SAMD8: variants seen among roughly 807,000 people sequenced by gnomAD.
The protein encoded by SAMD8 is sterile alpha motif domain containing 8, also known as sphingomyelin synthase-related protein 1.
Under a neutral mutation model 42.0 loss-of-function variants are expected in SAMD8, and 20 were observed. The observed-to-expected ratio is 0.48, with a 90% confidence interval of 0.34 to 0.69. SAMD8 has a LOEUF of 0.69. SAMD8 is among the 30% of genes least tolerant of loss of function. SAMD8 has a pLI of 0.01. For missense variants in SAMD8, 328 were observed against 511.6 expected, an observed-to-expected ratio of 0.64 and a Z score of 3.46; for synonymous variants, 162 against 173.0, an observed-to-expected ratio of 0.94 and a Z score of 0.50.
intron 1 of SAMD8, among the ~76,000 whole-genome samples, chr10:75,101,374 T>TA (rs989563247): frequency 1.4e-4 from 22 of 152,322 alleles, no homozygotes; most frequent in Middle Eastern, 3.4e-3. Flanking sequence ...TAATTACTCT[T>TA]ACCCTTTCCA....
intron 1 of SAMD8, among the ~76,000 whole-genome samples, chr10:75,122,629 A>AAT (rs1168991034): frequency 6.6e-6 from 1 of 151,384 alleles, no homozygotes; most frequent in African/African-American, 2.4e-5. Flanking sequence ...AAAAAAAAAA[A>AAT]ATTCTTGGCT....
chr10:75,105,615 G>A (rs1274264591), intron 1 of SAMD8: 2 of 1,512,138 alleles, frequency 1.3e-6, no homozygotes, highest in African/African-American at 1.4e-5. Flanking sequence ...CCCTCACCTG[G>A]CCTCTTCCGG....
At chr10:75,167,505 CATG>C (rs1840715817) in intron 3 of SAMD8, among the ~76,000 whole-genome samples, 1 of 152,180 alleles carries the variant, frequency 6.6e-6, no homozygotes, top group Non-Finnish European at 1.5e-5. Flanking sequence ...GGATTATAGA[CATG>C]AGCCACTGCA....
chr10:75,107,910 G>A, upstream of SAMD8: 1 of 1,433,438 alleles, frequency 7.0e-7, no homozygotes, highest in Non-Finnish European at 9.5e-7. Context: ...AGGGATGGGA[G>A]GGCACTGATG....
chr10:75,128,330 C>G (rs1479117909), intron 1 of SAMD8, among the ~76,000 whole-genome samples: 1 of 152,086 alleles, frequency 6.6e-6, no homozygotes, highest in Non-Finnish European at 1.5e-5. Context: ...GCCTCGACCT[C>G]CAACAGTGCT....
intron 1 of SAMD8, chr10:75,103,957 GCAGGCTC>G: frequency 3.8e-6 from 5 of 1,327,024 alleles, no homozygotes; most frequent in Non-Finnish European, 5.0e-6. Flanking sequence ...AGATGGAGTA[GCAGGCTC>G]TAGGGCCGAC....
chr10:75,111,608 GC>G, upstream of SAMD8: 1 of 1,249,430 alleles, frequency 8.0e-7, no homozygotes, highest in South Asian at 3.4e-5. Flanking sequence ...CCCGGGCTCC[GC>G]CCCCGCCGCT....
At chr10:75,159,281 C>G (rs1840501922) in intron 2 of SAMD8, among the ~76,000 whole-genome samples, 2 of 151,978 alleles carry the variant, frequency 1.3e-5, no homozygotes, top group Non-Finnish European at 2.9e-5. Flanking sequence ...TGGTCTCAAG[C>G]TCCTGACCTC....
chr10:75,099,897 G>T (rs1283046650), intron 1 of SAMD8, among the ~76,000 whole-genome samples: 1 of 152,174 alleles, frequency 6.6e-6, no homozygotes, highest in African/African-American at 2.4e-5. Flanking sequence ...GGTCTGACCC[G>T]AGAATGAGAG....
intron 4 of SAMD8, among the ~76,000 whole-genome samples, chr10:75,175,270 A>G (rs866029321): frequency 2.6e-5 from 4 of 152,338 alleles, no homozygotes; most frequent in East Asian, 1.9e-4. Context: ...GGGAAAGGCA[A>G]TATTTTGGCT....
At chr10:75,147,134 A>C (rs1840155854) in intron 1 of SAMD8, among the ~76,000 whole-genome samples, 1 of 152,186 alleles carries the variant, frequency 6.6e-6, no homozygotes, top group Admixed American at 6.5e-5. Context: ...TGGTGAGCTA[A>C]GACAGTGGAA....
intron 4 of SAMD8, among the ~76,000 whole-genome samples, chr10:75,172,112 A>C (rs1358203768): frequency 6.6e-6 from 1 of 152,112 alleles, no homozygotes; most frequent in African/African-American, 2.4e-5. Flanking sequence ...TATGCGTGTC[A>C]GCTTTCTCAC....
chr10:75,144,726 C>G (rs770171801), intron 1 of SAMD8, among the ~76,000 whole-genome samples: 3 of 152,094 alleles, frequency 2.0e-5, no homozygotes, highest in Non-Finnish European at 4.4e-5. Context: ...GGCGCGATCT[C>G]AGTCCACTGC....
At position 75,164,694 on chromosome 10, in the gene SAMD8, A is replaced by G. The variant is rs766895138; in HGVS notation, c.628A>G (p.Ile210Val). The change falls in exon 3 of 6, where the codon ATT (isoleucine) becomes GTT (valine). Residue 210 changes from isoleucine to valine, a missense_variant. By Grantham distance (29) the Ile-to-Val change is conservative (BLOSUM62 3). Transcript: ENST00000542569. ...AFAMTEVCGM[I>V]LCYIWLLVLL... ...TGCCATGACGGAAGTATGTGGCATG[A>G]TTCTGTGCTATATTTGGCTCCTGGT... The G allele has an allele frequency of 6.2e-7, 1 of 1,614,118 alleles. No homozygotes were observed. The highest frequency in any genetic ancestry group is 8.5e-7 in the Non-Finnish European group (1 of 1,180,010).
At chr10:75,106,470 G>A (rs1343096443) in intron 1 of SAMD8, among the ~76,000 whole-genome samples, 3 of 152,064 alleles carry the variant, frequency 2.0e-5, no homozygotes, top group African/African-American at 4.8e-5. Flanking sequence ...GCTGAGACAC[G>A]GCTTCCTCCA....
intron 1 of SAMD8, among the ~76,000 whole-genome samples, chr10:75,130,552 A>G (rs1465105768): frequency 2.0e-5 from 3 of 152,102 alleles, no homozygotes; most frequent in African/African-American, 7.2e-5. Flanking sequence ...CTCTGGTAGG[A>G]TTTAGTAGCT....
chr10:75,177,264 A>G lies in SAMD8; in HGVS notation c.*572A>G, dbSNP rs1422111189. ...ACCAGGATGCCTGAAATAAGAAGAG[A>G]ATGAAAGAGGCCATAGATGACGTGA... On this transcript the variant is annotated 3_prime_UTR_variant, in exon 6 of 6. Coordinates refer to ENST00000542569, the MANE Select transcript of SAMD8 (RefSeq NM_001174156.2). 1.3e-5 allele frequency: 2 copies of G among 152,422 alleles called. No individual in the cohort carries two copies. The highest frequency in any genetic ancestry group is 2.9e-5 in the Non-Finnish European group (2 of 68,222). 9.4% of individuals were successfully genotyped at this position (152,422 alleles called of 1,614,324 possible). A position where few individuals can be genotyped will look rare whatever the true frequency, so the allele number is the denominator to read the frequency against.
intron 1 of SAMD8, chr10:75,105,928 G>T: frequency 6.7e-7 from 1 of 1,489,706 alleles, no homozygotes; most frequent in East Asian, 2.5e-5. Context: ...CACGGGCTGG[G>T]ATGGGGACCC....
At chr10:75,144,538 T>G (rs2134467904) in intron 1 of SAMD8, among the ~76,000 whole-genome samples, 1 of 152,356 alleles carries the variant, frequency 6.6e-6, no homozygotes, top group South Asian at 2.1e-4. Flanking sequence ...TAGTATAATG[T>G]CTTTAAGGCT....
Sources: gnomAD v4.1 joint callset for allele counts (sites outside exome capture counted in the v4.1 genomes callset) on GRCh38, gnomAD v4.1.1 for gene constraint, MANE v1.5 for transcripts, NCBI Gene and HGNC (gene_info 2026-07-23, HGNC 2026-07-21) for gene names.